ANXA10: variants seen among roughly 807,000 people sequenced by gnomAD.
The protein encoded by ANXA10 is annexin 14.
Under a neutral mutation model 53.5 loss-of-function variants are expected in ANXA10, and 49 were observed. That is an observed-to-expected ratio of 0.92 (90% CI 0.73 to 1.16). ANXA10 has a LOEUF of 1.16. ANXA10 is among the 50% of genes most tolerant of loss of function. The pLI is 0.00. For missense variants in ANXA10, 393 were observed against 394.4 expected, an observed-to-expected ratio of 1.00 and a Z score of 0.03; for synonymous variants, 131 against 128.9, an observed-to-expected ratio of 1.02 and a Z score of -0.11.
At chr4:168,131,523 A>T (rs1291167938) in intron 2 of ANXA10, among the ~76,000 whole-genome samples, 1 of 151,926 alleles carries the variant, frequency 6.6e-6, no homozygotes, top group Non-Finnish European at 1.5e-5. Context: ...TGATACCCTC[A>T]CTGGTTTTCT....
At chr4:168,118,810 A>T (rs10032727) in intron 1 of ANXA10, among the ~76,000 whole-genome samples, 4,263 of 152,276 alleles carry the variant, frequency 0.028, 207 homozygotes, top group African/African-American at 0.097. Context: ...CCTTCATGGT[A>T]TATCCTATTT....
At chr4:168,105,532 A>G (rs28454657) in intron 1 of ANXA10, among the ~76,000 whole-genome samples, 105,978 of 151,958 alleles carry the variant, frequency 0.7, 38,299 homozygotes, top group African/African-American at 0.89. Flanking sequence ...AAGCATTTAG[A>G]TTGATTCCAT....
chr4:168,164,730 A>G (rs1425135484), intron 5 of ANXA10, among the ~76,000 whole-genome samples: 4 of 152,232 alleles, frequency 2.6e-5, no homozygotes, highest in African/African-American at 7.2e-5. Flanking sequence ...ATACATTTCA[A>G]AAGTAGAAAG....
intron 1 of ANXA10, among the ~76,000 whole-genome samples, chr4:168,101,278 A>G (rs1466881668): frequency 6.6e-6 from 1 of 151,848 alleles, no homozygotes; most frequent in Non-Finnish European, 1.5e-5. Context: ...AGGCCTCCCA[A>G]GAAGCTGAGC....
At chr4:168,185,962 ATTCC>A (rs1385169055) in intron 11 of ANXA10, among the ~76,000 whole-genome samples, 1 of 152,312 alleles carries the variant, frequency 6.6e-6, no homozygotes, top group Middle Eastern at 3.4e-3. Flanking sequence ...GAGAAATCTT[ATTCC>A]TTCATCTTTG....
At chr4:168,102,815 C>T (rs538023157) in intron 1 of ANXA10, among the ~76,000 whole-genome samples, 6 of 151,994 alleles carry the variant, frequency 3.9e-5, no homozygotes, top group Admixed American at 6.6e-5. Flanking sequence ...GGTAACAGTA[C>T]GTTTAGCTTT....
chr4:168,155,428 TAATTATATATAATTATGAATTA>T (rs1731593526), intron 3 of ANXA10, among the ~76,000 whole-genome samples: 7 of 84,020 alleles, frequency 8.3e-5, no homozygotes, highest in African/African-American at 1.5e-4. Context: ...ATATTATATA[TAATTATATATAATTATGAATTA>T]TATATTTTAT....
intron 1 of ANXA10, among the ~76,000 whole-genome samples, chr4:168,098,580 C>G (rs1730588201): frequency 6.6e-6 from 1 of 151,304 alleles, no homozygotes. Context: ...CCAGCATCAG[C>G]TTCTTCTAAA....
chr4:168,134,758 A>C (rs922754844), intron 2 of ANXA10, among the ~76,000 whole-genome samples: 1 of 152,118 alleles, frequency 6.6e-6, no homozygotes, highest in Non-Finnish European at 1.5e-5. Flanking sequence ...CTATCTTTGA[A>C]GCCAATTCTA....
intron 11 of ANXA10, among the ~76,000 whole-genome samples, chr4:168,186,976 T>C (rs1732382580): frequency 6.6e-6 from 1 of 152,088 alleles, no homozygotes; most frequent in Non-Finnish European, 1.5e-5. Context: ...ACATTAATAA[T>C]TATAAATATT....
chr4:168,156,369 TATATA>T (rs1344994883), intron 3 of ANXA10, among the ~76,000 whole-genome samples: 7 of 15,098 alleles, frequency 4.6e-4, no homozygotes, highest in Admixed American at 9.3e-4. Flanking sequence ...TTATATAGTA[TATATA>T]ATATAATTAA....
chr4:168,124,483 TA>T (rs1340288905), intron 1 of ANXA10, among the ~76,000 whole-genome samples: 6 of 152,272 alleles, frequency 3.9e-5, no homozygotes, highest in African/African-American at 1.4e-4. Flanking sequence ...TCTGTTAAAA[TA>T]TTTGAGTTGA....
At chr4:168,183,899 T>C (rs1267025331) in intron 10 of ANXA10, among the ~76,000 whole-genome samples, 1 of 152,198 alleles carries the variant, frequency 6.6e-6, no homozygotes, top group East Asian at 1.9e-4. Context: ...TTCTGGCCAC[T>C]AGATGTCACG....
chr4:168,157,084 G>C (rs959251023), intron 3 of ANXA10, among the ~76,000 whole-genome samples: 5 of 132,064 alleles, frequency 3.8e-5, no homozygotes, highest in African/African-American at 1.4e-4. Context: ...CAGTGATCTA[G>C]TGGTATGGCA....
intron 1 of ANXA10, among the ~76,000 whole-genome samples, chr4:168,114,863 G>A (rs1043672313): frequency 6.6e-6 from 1 of 152,020 alleles, no homozygotes; most frequent in African/African-American, 2.4e-5. Context: ...CGGTGTGTAT[G>A]TACCACATTT....
chr4:168,144,634 C>T (rs771744075), intron 3 of ANXA10, among the ~76,000 whole-genome samples: 16 of 152,140 alleles, frequency 1.1e-4, no homozygotes, highest in Non-Finnish European at 1.5e-4. Context: ...ATACAATTTC[C>T]GGAAAGCTAT....
chr4:168,096,926 A>ATATATATGTATG (rs371811709), intron 1 of ANXA10, among the ~76,000 whole-genome samples: 1 of 129,902 alleles, frequency 7.7e-6, no homozygotes, highest in Non-Finnish European at 1.6e-5. Flanking sequence ...ATATATATAT[A>ATATATATGTATG]TATGTATGTA....
At chr4:168,125,540 T>C (rs1470400824) in intron 1 of ANXA10, among the ~76,000 whole-genome samples, 1 of 152,160 alleles carries the variant, frequency 6.6e-6, no homozygotes, top group Admixed American at 6.5e-5. Flanking sequence ...ATGTTGGATC[T>C]GGAGGGATGT....
Position 168,093,383 on chromosome 4 carries a change from A to G in ANXA10, c.18+665A>G, listed in dbSNP as rs569676808. ...AGTCCAACTGCTCTAATAGTCATTCACTTTTTAAAAAGCCAACATGAACAT... is the reference window on the plus strand; with the variant it reads ...AGTCCAACTGCTCTAATAGTCATTCGCTTTTTAAAAAGCCAACATGAACAT... On this transcript the variant is annotated intron_variant, in intron 1 of 11. Coordinates refer to ENST00000359299, the MANE Select transcript of ANXA10 (RefSeq NM_007193.5). Among the ~76,000 whole-genome samples the G allele has an allele frequency of 3.1e-3, 468 of 152,234 alleles. 6 individuals are homozygous for G. The highest frequency in any genetic ancestry group is 0.011 in the African/African-American group (442 of 41,528).
Sources: allele counts gnomAD v4.1 joint callset (sites outside exome capture counted in the v4.1 genomes callset), GRCh38; gene constraint gnomAD v4.1.1; transcripts MANE v1.5; gene names NCBI Gene and HGNC (gene_info 2026-07-23, HGNC 2026-07-21).